The following KDM4C variants were observed in gnomAD, a reference collection of about 807,000 sequenced individuals.
KDM4C encodes lysine demethylase 4C, also known as lysine-specific demethylase 4C.
In KDM4C, 81 loss-of-function variants were observed where a neutral mutation model predicts 129.3. The observed-to-expected ratio is 0.63, with a 90% CI of 0.52 to 0.75. KDM4C has a LOEUF of 0.75. Among genes scored for constraint, KDM4C ranks in the 30% least tolerant of loss-of-function variants. KDM4C has a pLI of 0.00. For synonymous variants in KDM4C, 573 were observed against 456.1 expected (o/e 1.26, Z -3.26); for missense variants, 1,457 against 1,304.0 (o/e 1.12, Z -1.81).
chr9:6,971,343 T>A (rs539909151), intron 8 of KDM4C, among the ~76,000 whole-genome samples: 2 of 152,314 alleles, frequency 1.3e-5, no homozygotes, highest in East Asian at 3.9e-4. Flanking sequence ...CCAGTTTGGA[T>A]TTAAATATAT....
At chr9:6,887,849 A>C (rs1425610726) in intron 6 of KDM4C, 111 bp from the exon 7 acceptor site, 8 of 699,146 alleles carry the variant, frequency 1.1e-5, no homozygotes, top group Non-Finnish European at 2.1e-5. Flanking sequence ...GAAGAGGTCC[A>C]TACTTGCATA....
intron 17 of KDM4C, among the ~76,000 whole-genome samples, chr9:7,064,288 A>G (rs914475771): frequency 6.6e-6 from 1 of 152,196 alleles, no homozygotes; most frequent in Non-Finnish European, 1.5e-5. Context: ...TGTCAATATG[A>G]TATTTTAGAT....
chr9:7,057,143 C>G (rs1048417996), intron 17 of KDM4C, among the ~76,000 whole-genome samples: 10 of 152,164 alleles, frequency 6.6e-5, no homozygotes, highest in African/African-American at 2.4e-4. Flanking sequence ...TTAGGTTATT[C>G]ATTTCCTCAG....
chr9:6,983,573 G>GACACACACACACAC (rs56086219), intron 9 of KDM4C, among the ~76,000 whole-genome samples: 7,004 of 142,526 alleles, frequency 0.049, 223 homozygotes, highest in Non-Finnish European at 0.051. Flanking sequence ...GTGTCTTTAT[G>GACACACACACACAC]ACACACACAC....
Position 7,046,854 on chromosome 9 carries a change from C to T in KDM4C, c.2260-8C>T, listed in dbSNP as rs775478520. On this transcript the variant is annotated splice_polypyrimidine_tract_variant and splice_region_variant and intron_variant, in intron 15 of 21. Transcript: ENST00000381309. ...TGGTCATCATGTGGTATTTTCTTTT[C>T]CCCCCAGGAATGCTGTCTCTGCAAT... 2.7e-5 allele frequency: 43 copies of T among 1,598,396 alleles called. No homozygotes were observed. The highest frequency in any genetic ancestry group is 3.4e-5 in the Non-Finnish European group (40 of 1,166,370).
intron 8 of KDM4C, among the ~76,000 whole-genome samples, chr9:6,941,285 G>A (rs61685780): frequency 0.28 from 43,282 of 152,028 alleles, 6,577 homozygotes; most frequent in South Asian, 0.43. Flanking sequence ...CTGGGATTAC[G>A]GGTGTTGGGC....
chr9:7,097,841 A>G (rs1564113565), intron 17 of KDM4C, among the ~76,000 whole-genome samples: 2 of 152,276 alleles, frequency 1.3e-5, no homozygotes, highest in Non-Finnish European at 2.9e-5. Flanking sequence ...CATTTTGCAA[A>G]ATGATCTTAC....
intron 16 of KDM4C, 55 bp from the exon 17 acceptor site, chr9:7,049,037 G>C: frequency 8.7e-7 from 1 of 1,154,942 alleles, no homozygotes; most frequent in East Asian, 2.3e-5. Flanking sequence ...TCACCAAGTT[G>C]AAGTATGTAA....
In KDM4C at chr9:6,807,609, C is replaced by T. The variant is rs576159589; in HGVS notation, c.320+1835C>T. ...GGAGGTGAGGAGCGTTTCTGCCCAG[C>T]CGCCCCGTCTGAGAAGTGAGGATAC... On this transcript the variant is annotated intron_variant, in intron 3 of 21. Transcript: ENST00000381309. Among the ~76,000 whole-genome samples the T allele has an allele frequency of 2.0e-5, 3 of 150,724 alleles. No individual in the cohort carries two copies. The East Asian group carries it at 5.9e-4, about 30-fold the overall frequency.
chr9:6,828,251 C>T (rs1038149457), intron 4 of KDM4C, among the ~76,000 whole-genome samples: 4 of 151,994 alleles, frequency 2.6e-5, no homozygotes, highest in African/African-American at 9.7e-5. Context: ...AGGTTCAGGC[C>T]ATTCTCCTGT....
chr9:6,729,718 G>A (rs1817259113), intron 1 of KDM4C, among the ~76,000 whole-genome samples: 1 of 134,464 alleles, frequency 7.4e-6, no homozygotes, highest in Non-Finnish European at 1.5e-5. Flanking sequence ...AAAATCAGAT[G>A]TCTGACCCAT....
chr9:6,755,239 C>T (rs1818201289), upstream of KDM4C, among the ~76,000 whole-genome samples: 1 of 152,072 alleles, frequency 6.6e-6, no homozygotes, highest in Admixed American at 6.6e-5. Context: ...GGTGTGGTAG[C>T]ACGCGCCTGT....
intron 15 of KDM4C, among the ~76,000 whole-genome samples, chr9:7,022,055 C>T (rs1157954178): frequency 6.6e-6 from 1 of 152,110 alleles, no homozygotes; most frequent in Non-Finnish European, 1.5e-5. Flanking sequence ...TTGGTTACTA[C>T]AGCTCTGTAT....
chr9:7,068,666 A>G (rs1832762276), intron 17 of KDM4C, among the ~76,000 whole-genome samples: 1 of 134,518 alleles, frequency 7.4e-6, no homozygotes, highest in Admixed American at 7.4e-5. Context: ...TCTATTTCAT[A>G]CATGTTTATG....
chr9:7,109,631 C>G (rs1370677928), intron 18 of KDM4C, among the ~76,000 whole-genome samples: 1 of 152,148 alleles, frequency 6.6e-6, no homozygotes, highest in Non-Finnish European at 1.5e-5. Context: ...GTGGGTAGGA[C>G]TTCGCTTAGC....
intron 8 of KDM4C, among the ~76,000 whole-genome samples, chr9:6,934,490 A>G (rs1237794327): frequency 2.1e-5 from 3 of 145,544 alleles, no homozygotes; most frequent in Non-Finnish European, 1.5e-5. Flanking sequence ...AAAAAAAAAA[A>G]ATTGGATAAT....
At chr9:7,147,047 T>C (rs1040843921) in intron 19 of KDM4C, among the ~76,000 whole-genome samples, 1 of 152,228 alleles carries the variant, frequency 6.6e-6, no homozygotes, top group Admixed American at 6.5e-5. Flanking sequence ...CTGCCAGGAA[T>C]TGGGTTTTGC....
intron 2 of KDM4C, among the ~76,000 whole-genome samples, chr9:6,794,366 C>G (rs1827322962): frequency 6.6e-6 from 1 of 152,176 alleles, no homozygotes; most frequent in South Asian, 2.1e-4. Context: ...GGAGGCTGAC[C>G]TGTACTTTGT....
chr9:7,118,751 C>T (rs1022863000), intron 18 of KDM4C, among the ~76,000 whole-genome samples: 3 of 152,148 alleles, frequency 2.0e-5, no homozygotes, highest in Non-Finnish European at 4.4e-5. Context: ...TTTCTACATA[C>T]ATTATTGCAT....
Sources: allele counts gnomAD v4.1 joint callset (sites outside exome capture counted in the v4.1 genomes callset), GRCh38; gene constraint gnomAD v4.1.1; transcripts MANE v1.5; gene names NCBI Gene and HGNC (gene_info 2026-07-23, HGNC 2026-07-21).